The following PRKCB variants were observed in gnomAD, a reference collection of about 807,000 sequenced individuals.
PRKCB encodes the protein protein kinase C beta type.
A neutral mutation model predicts 81.5 loss-of-function variants in PRKCB; 13 were observed. The observed-to-expected ratio is 0.16, with a 90% CI of 0.10 to 0.25. PRKCB has a LOEUF of 0.25. Ranked by LOEUF, PRKCB falls within the 10% of genes least tolerant of loss-of-function variation. The probability of loss-of-function intolerance (pLI) is 1.00; values close to 1 mark genes in which losing one functional copy is unlikely to be tolerated. For synonymous variants in PRKCB, 335 were observed against 321.4 expected, an observed-to-expected ratio of 1.04 and a Z score of -0.45; for missense variants, 509 against 875.7, an observed-to-expected ratio of 0.58 and a Z score of 5.29.
At chr16:24,086,281 G>C (rs181157031) in intron 5 of PRKCB, among the ~76,000 whole-genome samples, 1 of 152,098 alleles carries the variant, frequency 6.6e-6, no homozygotes, top group Non-Finnish European at 1.5e-5. Context: ...CAGGGCAGGG[G>C]GGTTCAAGCA....
intron 3 of PRKCB, among the ~76,000 whole-genome samples, chr16:24,019,340 T>A (rs1965328927): frequency 6.6e-6 from 1 of 151,670 alleles, no homozygotes; most frequent in African/African-American, 2.4e-5. Flanking sequence ...TGAGACCTTG[T>A]CTCTGAAAAT....
intron 2 of PRKCB, among the ~76,000 whole-genome samples, chr16:23,950,054 C>G (rs746209493): frequency 6.6e-6 from 1 of 150,390 alleles, no homozygotes; most frequent in Non-Finnish European, 1.5e-5. Flanking sequence ...GGAGCCTCGC[C>G]GTGGGGCGGA....
At chr16:23,914,835 T>C (rs960299096) in intron 2 of PRKCB, among the ~76,000 whole-genome samples, 1 of 152,332 alleles carries the variant, frequency 6.6e-6, no homozygotes, top group East Asian at 1.9e-4. Flanking sequence ...TGGACTGTAC[T>C]GGTGATGTCC....
chr16:24,049,047 GTTTTTTTTTTTTTTTT>G (rs1160842975), intron 5 of PRKCB, among the ~76,000 whole-genome samples: 4 of 49,692 alleles, frequency 8.0e-5, no homozygotes, highest in South Asian at 1.1e-3. Flanking sequence ...AAATTGGCCT[GTTTTTTTTTTTTTTTT>G]TTTTTTTTTT....
intron 2 of PRKCB, among the ~76,000 whole-genome samples, chr16:23,929,574 C>G (rs1028532636): frequency 6.6e-6 from 1 of 152,104 alleles, no homozygotes; most frequent in East Asian, 1.9e-4. Flanking sequence ...CATGTTAACA[C>G]ACTAATACTT....
chr16:24,106,399 A>C (rs1263612681), intron 7 of PRKCB, among the ~76,000 whole-genome samples: 4 of 152,234 alleles, frequency 2.6e-5, no homozygotes, highest in African/African-American at 9.6e-5. Flanking sequence ...AGAATTTCAG[A>C]GACCCCAGAT....
intron 2 of PRKCB, among the ~76,000 whole-genome samples, chr16:23,961,877 G>A (rs969349486): frequency 6.6e-6 from 1 of 152,116 alleles, no homozygotes; most frequent in Non-Finnish European, 1.5e-5. Flanking sequence ...GATTTGGGGT[G>A]CCCTCATTTC....
At chr16:24,122,157 G>A (rs565786703) in intron 8 of PRKCB, among the ~76,000 whole-genome samples, 341 of 152,300 alleles carry the variant, frequency 2.2e-3, no homozygotes, top group Non-Finnish European at 3.5e-3. Context: ...TCAGGGAAGA[G>A]CCCTCTTATC....
chr16:24,127,573 G>A (rs1449704859), intron 9 of PRKCB, among the ~76,000 whole-genome samples: 2 of 152,194 alleles, frequency 1.3e-5, no homozygotes, highest in African/African-American at 4.8e-5. Flanking sequence ...AAACAGACGA[G>A]AGGATGTTTG....
intron 3 of PRKCB, among the ~76,000 whole-genome samples, chr16:24,011,553 G>A (rs952944132): frequency 2.0e-5 from 3 of 152,146 alleles, no homozygotes; most frequent in African/African-American, 7.2e-5. Flanking sequence ...ATCTCACTCT[G>A]TTGTTGGGGC....
intron 2 of PRKCB, among the ~76,000 whole-genome samples, chr16:23,974,919 A>G (rs889585899): frequency 6.6e-6 from 1 of 152,136 alleles, no homozygotes; most frequent in Non-Finnish European, 1.5e-5. Context: ...CAAGAATCAA[A>G]TCCCAGGGAG....
intron 5 of PRKCB, among the ~76,000 whole-genome samples, chr16:24,040,152 T>G (rs1965681252): frequency 6.6e-6 from 1 of 152,206 alleles, no homozygotes; most frequent in Non-Finnish European, 1.5e-5. Flanking sequence ...ATATCTGTTC[T>G]TAGTGTTTTG....
chr16:24,082,098 A>T (rs570055914), intron 5 of PRKCB, among the ~76,000 whole-genome samples: 3 of 152,324 alleles, frequency 2.0e-5, no homozygotes, highest in East Asian at 3.9e-4. Context: ...CCAAAAATTT[A>T]AAAAATACTA....
chr16:24,002,220 T>C (rs574709467), intron 3 of PRKCB, among the ~76,000 whole-genome samples: 15 of 152,106 alleles, frequency 9.9e-5, no homozygotes, highest in Non-Finnish European at 1.9e-4. Context: ...TTTTCCTCCA[T>C]GCGTCCTCTT....
At chr16:24,182,441 A>G (rs1205331467) in intron 13 of PRKCB, among the ~76,000 whole-genome samples, 1 of 152,162 alleles carries the variant, frequency 6.6e-6, no homozygotes, top group Non-Finnish European at 1.5e-5. Flanking sequence ...GGATCACTTG[A>G]GCCCAGCAGG....
rs546638786 is a variant in PRKCB at position 23,842,674 on chromosome 16, T to C, written c.205+5268T>C. Among the ~76,000 whole-genome samples, 14 of 152,360 alleles carry C rather than the reference T, an allele frequency of 9.2e-5. No homozygotes were observed. In the South Asian group the frequency reaches 2.9e-3, roughly 32 times the overall value. ...AGAATTGATGATTATAATGAGTAAG[T>C]TGGCTCTTCCTTTTCCCATGTAGAT... is the stretch of plus-strand genomic sequence containing the variant. On this transcript the variant is annotated intron_variant, in intron 2 of 16. Transcript: ENST00000643927.
chr16:24,188,953 C>G (rs1024744305), intron 15 of PRKCB, among the ~76,000 whole-genome samples: 4 of 152,174 alleles, frequency 2.6e-5, no homozygotes, highest in African/African-American at 9.7e-5. Flanking sequence ...TGTTGTCATA[C>G]TCAGTACACG....
intron 3 of PRKCB, among the ~76,000 whole-genome samples, chr16:23,990,502 T>C (rs548540203): frequency 1.6e-4 from 24 of 151,920 alleles, no homozygotes; most frequent in African/African-American, 5.1e-4. Context: ...TTTTCTTTTT[T>C]TTTTTAAGCA....
intron 16 of PRKCB, among the ~76,000 whole-genome samples, chr16:24,202,238 A>G (rs1276628560): frequency 1.3e-5 from 2 of 152,024 alleles, no homozygotes; most frequent in Admixed American, 6.6e-5. Context: ...TACTCTTACT[A>G]CTGCTATGAT....
Sources: allele counts gnomAD v4.1 joint callset (sites outside exome capture counted in the v4.1 genomes callset), GRCh38; gene constraint gnomAD v4.1.1; transcripts MANE v1.5; gene names NCBI Gene and HGNC (gene_info 2026-07-23, HGNC 2026-07-21).